The following INTU variants were observed in gnomAD, a reference collection of about 807,000 sequenced individuals.
INTU encodes inturned planar cell polarity protein, also known as protein inturned.
A neutral mutation model predicts 100.5 loss-of-function variants in INTU; 68 were observed. The ratio of observed to expected loss-of-function variants is 0.68; its 90% confidence interval spans 0.56 to 0.83. The LOEUF is 0.83. Ranked by LOEUF, INTU falls within the 40% of genes least tolerant of loss-of-function variation. INTU has a pLI of 0.00. For synonymous variants in INTU, 357 were observed against 395.7 expected, an observed-to-expected ratio of 0.90 and a Z score of 1.16; for missense variants, 1,071 against 1,114.7, an observed-to-expected ratio of 0.96 and a Z score of 0.56.
At chr4:127,710,225 C>T (rs1731044031) in intron 13 of INTU, among the ~76,000 whole-genome samples, 1 of 151,976 alleles carries the variant, frequency 6.6e-6, no homozygotes, top group Non-Finnish European at 1.5e-5. Context: ...TGTGTTTATT[C>T]TCATTATTGA....
intron 8 of INTU, among the ~76,000 whole-genome samples, chr4:127,689,748 G>T (rs769967281): frequency 3.9e-5 from 6 of 151,938 alleles, no homozygotes; most frequent in Non-Finnish European, 8.8e-5. Flanking sequence ...GAAAGGAAAG[G>T]GGGAGGGAAG....
chr4:127,715,832 T>C (rs531482628), intron 15 of INTU, among the ~76,000 whole-genome samples: 39 of 152,340 alleles, frequency 2.6e-4, no homozygotes, highest in African/African-American at 9.1e-4. Flanking sequence ...ATAGATCAAT[T>C]TGTATACATT....
Position 127,705,718 on chromosome 4 carries a change from T to C in INTU, c.1694T>C (p.Val565Ala). Residue 565 changes from valine to alanine, a missense_variant, in exon 11 of 16, where the codon GTG (valine) becomes GCG (alanine). By Grantham distance (64) the Val-to-Ala change is moderately conservative (BLOSUM62 0). Coordinates refer to ENST00000335251, the MANE Select transcript of INTU (RefSeq NM_015693.4). ...RIGQLIIWRE[V>A]FPQHHLRPLA... ...GGTCAGTTGATCATATGGAGAGAAGTGTTTCCTCAGCATCACCTCCGACCT... is the reference window on the plus strand; with the variant it reads ...GGTCAGTTGATCATATGGAGAGAAGCGTTTCCTCAGCATCACCTCCGACCT... 1 of 1,614,010 alleles carries C rather than the reference T, an allele frequency of 6.2e-7. No homozygotes were observed.
Position 127,637,402 on chromosome 4 carries a change from A to G in INTU, c.146+4222A>G, listed in dbSNP as rs535799540. Among the ~76,000 whole-genome samples, 5 of 152,246 alleles carry G rather than the reference A, an allele frequency of 3.3e-5. No homozygotes were observed. The East Asian group carries it at 9.6e-4, about 29-fold the overall frequency. ...CCCAAGTCTTTCTTGTCTCATTTCTATTGATCTCCCTGTTCATTATTGAAA... is the reference window on the plus strand; with the variant it reads ...CCCAAGTCTTTCTTGTCTCATTTCTGTTGATCTCCCTGTTCATTATTGAAA... On this transcript the variant is annotated intron_variant, in intron 1 of 15. Coordinates refer to ENST00000335251, the MANE Select transcript of INTU (RefSeq NM_015693.4).
chr4:127,662,934 A>G (rs1202528886), intron 3 of INTU, among the ~76,000 whole-genome samples: 1 of 152,158 alleles, frequency 6.6e-6, no homozygotes, highest in Non-Finnish European at 1.5e-5. Context: ...AAGGAGAGTT[A>G]ACTTTGGTTG....
chr4:127,655,060 G>T (rs1728117353), intron 2 of INTU, among the ~76,000 whole-genome samples: 1 of 152,250 alleles, frequency 6.6e-6, no homozygotes, highest in East Asian at 1.9e-4. Context: ...TCGAGCCTTG[G>T]TTTTTAGCTC....
At chr4:127,710,095 A>G (rs1399217539) in intron 13 of INTU, among the ~76,000 whole-genome samples, 2 of 152,102 alleles carry the variant, frequency 1.3e-5, no homozygotes, top group African/African-American at 4.8e-5. Context: ...AAAAATATGT[A>G]TGTTGTGTTG....
Position 127,706,631 on chromosome 4 carries a change from C to T in INTU, c.1933C>T (p.Arg645Trp), listed in dbSNP as rs746365972. 31 of 1,613,928 alleles carry T rather than the reference C, an allele frequency of 1.9e-5. No homozygotes were observed. Among genetic ancestry groups the T allele is most frequent in the South Asian group, 6.6e-5 (6 of 91,080 alleles). Residue 645 changes from arginine to tryptophan, a missense_variant, in exon 12 of 16, where the codon CGG becomes TGG. Coordinates refer to ENST00000335251, the MANE Select transcript of INTU (RefSeq NM_015693.4). ...LDGVDSRIDERLASSPVPCLS... is the reference protein window; with the variant it reads ...LDGVDSRIDEWLASSPVPCLS... ...TGGAGTAGATTCTCGCATAGATGAA[C>T]GGCTAGCATCTTCTCCAGTCCCCTG...
chr4:127,685,260 G>A (rs1274300998), intron 7 of INTU, among the ~76,000 whole-genome samples: 2 of 151,954 alleles, frequency 1.3e-5, no homozygotes, highest in African/African-American at 2.4e-5. Flanking sequence ...ATGGGAAATC[G>A]ATTTTTCTCT....
At position 127,706,589 on chromosome 4, in the gene INTU, A is replaced by T. The variant is rs546095833; in HGVS notation, c.1891A>T (p.Thr631Ser). The part of the protein sequence containing the change: ...DCVYVDQVKT[T>S]LHQLDGVDSR... ...TGTATATGTGGATCAAGTCAAAACA[A>T]CTCTTCACCAGCTGGATGGAGTAGA... Residue 631 changes from threonine (T) to serine (S), a missense_variant, in exon 12 of 16, where the codon ACT becomes TCT. Coordinates refer to ENST00000335251, the MANE Select transcript of INTU (RefSeq NM_015693.4). The T allele has an allele frequency of 1.2e-6, 2 of 1,613,834 alleles. No homozygotes were observed. Among genetic ancestry groups the T allele is most frequent in the Non-Finnish European group, 1.7e-6 (2 of 1,179,940 alleles).
chr4:127,668,211 A>T (rs1464571230), intron 4 of INTU, among the ~76,000 whole-genome samples: 1 of 152,064 alleles, frequency 6.6e-6, no homozygotes, highest in African/African-American at 2.4e-5. Flanking sequence ...AGAATGGTTC[A>T]TCTCTTTGTA....
intron 7 of INTU, chr4:127,685,611 C>A: frequency 3.1e-6 from 1 of 318,588 alleles, no homozygotes; most frequent in Non-Finnish European, 6.3e-6. Context: ...AGTGCTTTTA[C>A]CTTTTACTAG....
At chr4:127,707,539 G>A (rs745548637) in intron 12 of INTU, among the ~76,000 whole-genome samples, 2 of 151,780 alleles carry the variant, frequency 1.3e-5, no homozygotes, top group Non-Finnish European at 2.9e-5. Context: ...AATGACAACA[G>A]AGAGCATCCA....
intron 1 of INTU, among the ~76,000 whole-genome samples, chr4:127,638,795 A>C (rs1727184666): frequency 6.6e-6 from 1 of 152,152 alleles, no homozygotes; most frequent in African/African-American, 2.4e-5. Flanking sequence ...ATTCTGCTTA[A>C]AGCAAAGCAG....
At chr4:127,699,901 A>T in intron 8 of INTU, 109 bp from the exon 9 acceptor site, 1 of 653,064 alleles carries the variant, frequency 1.5e-6, no homozygotes, top group Non-Finnish European at 2.6e-6. Flanking sequence ...AAAGAGAAAG[A>T]TACTCAATTT....
intron 6 of INTU, among the ~76,000 whole-genome samples, chr4:127,682,766 A>G (rs921009411): frequency 6.6e-6 from 1 of 152,014 alleles, no homozygotes; most frequent in Admixed American, 6.6e-5. Flanking sequence ...ATAAAAAATA[A>G]AAATAAATAA....
rs1479648330 is a variant in INTU at position 127,725,226 on chromosome 4, G to C, written c.*8790G>C. The C allele has an allele frequency of 1.3e-5, 2 of 151,562 alleles. No homozygotes were observed. Among genetic ancestry groups the C allele is most frequent in the Non-Finnish European group, 2.9e-5 (2 of 68,046 alleles). The allele number at this position is 151,562 out of a possible 1,614,324, so 9.4% of individuals were successfully genotyped here. A position where few individuals can be genotyped will look rare whatever the true frequency, so the allele number is the denominator to read the frequency against. ...GGAGGCTGAGGCAGGAGAATCACTT[G>C]AACCCAGGAAGCAGAGGCTGCAGTG... is the stretch of plus-strand genomic sequence containing the variant. On this transcript the variant is annotated 3_prime_UTR_variant, in exon 16 of 16. Coordinates refer to ENST00000335251, the MANE Select transcript of INTU (RefSeq NM_015693.4).
rs1490487839 is a variant in INTU at position 127,723,783 on chromosome 4, A to C, written c.*7347A>C. The C allele has an allele frequency of 6.6e-6, 1 of 151,692 alleles. No individual in the cohort carries two copies. Among genetic ancestry groups the C allele is most frequent in the Non-Finnish European group, 1.5e-5 (1 of 68,018 alleles). 9.4% of individuals were successfully genotyped at this position (151,692 alleles called of 1,614,324 possible). ...CCAGGAGTTCAAGACCAGCCTGAGC[A>C]ACATAGCAAAAACTCCATCTCTACA... is the stretch of plus-strand genomic sequence containing the variant. On this transcript the variant is annotated 3_prime_UTR_variant, in exon 16 of 16. Transcript: ENST00000335251.
chr4:127,698,435 C>T (rs1730493939), intron 8 of INTU, among the ~76,000 whole-genome samples: 1 of 151,086 alleles, frequency 6.6e-6, no homozygotes, highest in Non-Finnish European at 1.5e-5. Flanking sequence ...GGCACTCCAG[C>T]CTGAGCAACA....
Sources: allele counts gnomAD v4.1 joint callset (sites outside exome capture counted in the v4.1 genomes callset), GRCh38; gene constraint gnomAD v4.1.1; transcripts MANE v1.5; gene names NCBI Gene and HGNC (gene_info 2026-07-23, HGNC 2026-07-21).